The following SCLT1 variants were observed in gnomAD, a reference collection of about 807,000 sequenced individuals.
SCLT1 encodes sodium channel and clathrin linker 1, also known as sodium channel-associated protein 1.
Under a neutral mutation model 112.8 loss-of-function variants are expected in SCLT1, and 78 were observed. That is an observed-to-expected ratio of 0.69 (90% CI 0.58 to 0.83). SCLT1 has a LOEUF of 0.83. SCLT1 is among the 40% of genes least tolerant of loss of function. SCLT1 has a pLI of 0.00. For synonymous variants in SCLT1, 257 were observed against 254.7 expected (o/e 1.01, Z -0.09); for missense variants, 747 against 770.4 (o/e 0.97, Z 0.36).
chr4:129,080,876 G>A (rs1449687339), intron 2 of SCLT1, among the ~76,000 whole-genome samples: 1 of 152,178 alleles, frequency 6.6e-6, no homozygotes, highest in African/African-American at 2.4e-5. Flanking sequence ...TGCAGTCTGT[G>A]GGAGAGAGAG....
chr4:128,952,707 A>G, intron 14 of SCLT1, 62 bp downstream of exon 14: 2 of 909,942 alleles, frequency 2.2e-6, no homozygotes, highest in South Asian at 1.3e-5. Context: ...CCCCAATAGT[A>G]TATATCTTGG....
intron 5 of SCLT1, among the ~76,000 whole-genome samples, chr4:129,029,155 G>C (rs1013843159): frequency 6.6e-6 from 1 of 152,126 alleles, no homozygotes. Flanking sequence ...AATACCATTT[G>C]ACCCAGCCAT....
chr4:128,972,231 T>C (rs145407976), intron 9 of SCLT1: 2 of 152,136 alleles, frequency 1.3e-5, no homozygotes, highest in African/African-American at 2.4e-5. Context: ...AGGAATAATA[T>C]ATTTAAGTAG....
chr4:129,034,111 T>C (rs181614924), intron 5 of SCLT1, among the ~76,000 whole-genome samples: 1 of 152,244 alleles, frequency 6.6e-6, no homozygotes, highest in Admixed American at 6.5e-5. Context: ...TGAAATTACA[T>C]AAACACATCA....
intron 14 of SCLT1, among the ~76,000 whole-genome samples, chr4:128,948,906 C>A (rs889980387): frequency 2.0e-5 from 3 of 152,084 alleles, no homozygotes; most frequent in Admixed American, 6.5e-5. Context: ...AACATAGAAC[C>A]AGATAGTGGC....
At chr4:129,042,175 T>G (rs1278592754) in intron 4 of SCLT1, among the ~76,000 whole-genome samples, 12 of 152,206 alleles carry the variant, frequency 7.9e-5, no homozygotes, top group Admixed American at 7.9e-4. Flanking sequence ...ATGAGTATAT[T>G]CAAGCTCTAA....
chr4:128,982,064 T>G (rs999777590), intron 9 of SCLT1, among the ~76,000 whole-genome samples: 11 of 152,060 alleles, frequency 7.2e-5, no homozygotes, highest in Non-Finnish European at 5.9e-5. Flanking sequence ...TAAGGTAGAG[T>G]TGGGACAGAA....
intron 5 of SCLT1, among the ~76,000 whole-genome samples, chr4:129,013,774 A>C (rs2126109121): frequency 1.3e-5 from 2 of 152,204 alleles, no homozygotes. Flanking sequence ...AAATCTGATG[A>C]TTATGTGTCT....
chr4:129,014,268 A>C (rs1181183438), intron 5 of SCLT1, among the ~76,000 whole-genome samples: 1 of 152,048 alleles, frequency 6.6e-6, no homozygotes, highest in African/African-American at 2.4e-5. Flanking sequence ...CTGTAGCTCA[A>C]TGATCTTCGT....
intron 16 of SCLT1, among the ~76,000 whole-genome samples, chr4:128,943,891 T>C (rs533705706): frequency 9.2e-5 from 14 of 152,284 alleles, no homozygotes; most frequent in African/African-American, 3.1e-4. Context: ...CAGGGAATTG[T>C]ATGGAAATGC....
intron 1 of SCLT1, among the ~76,000 whole-genome samples, chr4:129,085,873 G>T (rs890204398): frequency 4.6e-5 from 7 of 152,106 alleles, no homozygotes; most frequent in African/African-American, 1.7e-4. Flanking sequence ...AGGGTGGGAG[G>T]AGGGAGAGGA....
At chr4:128,936,214 G>A (rs1419187790) in intron 18 of SCLT1, among the ~76,000 whole-genome samples, 1 of 151,770 alleles carries the variant, frequency 6.6e-6, no homozygotes, top group East Asian at 1.9e-4. Flanking sequence ...ACATTCATCT[G>A]TTGAACATTT....
At chr4:128,879,232 C>T (rs943271573), downstream of SCLT1, among the ~76,000 whole-genome samples, 2 of 151,976 alleles carry the variant, frequency 1.3e-5, no homozygotes, top group Non-Finnish European at 2.9e-5. Context: ...CAATCAAGAA[C>T]GCTGATCCTT....
chr4:128,908,777 A>G (rs1734880609), intron 18 of SCLT1, among the ~76,000 whole-genome samples: 1 of 152,170 alleles, frequency 6.6e-6, no homozygotes, highest in Non-Finnish European at 1.5e-5. Context: ...TAATTTCAAA[A>G]CTGAGTTAGT....
At chr4:128,900,325 A>G (rs2125933935) in intron 18 of SCLT1, among the ~76,000 whole-genome samples, 1 of 152,360 alleles carries the variant, frequency 6.6e-6, no homozygotes, top group East Asian at 1.9e-4. Flanking sequence ...GTACCAAAAC[A>G]GAGATACAGA....
intron 18 of SCLT1, among the ~76,000 whole-genome samples, chr4:128,922,893 T>G (rs1337063424): frequency 6.6e-6 from 1 of 152,172 alleles, no homozygotes; most frequent in Non-Finnish European, 1.5e-5. Flanking sequence ...GAAGAGACTG[T>G]GTGACTGCAG....
In SCLT1 at chr4:128,952,759, T is replaced by C. The variant is rs774743481; in HGVS notation, c.1218+10A>G. On this transcript the variant is annotated intron_variant, in intron 14 of 20. Transcript: ENST00000281142. ...TATTTGGAAGAAAATATCAGTATAGTCAAACATACCATTTGAAGGGCTGAA... is the reference window on the plus strand; with the variant it reads ...TATTTGGAAGAAAATATCAGTATAGCCAAACATACCATTTGAAGGGCTGAA... The C allele has an allele frequency of 2.9e-6, 4 of 1,391,124 alleles. No individual in the cohort carries two copies. The highest frequency in any genetic ancestry group is 4.1e-6 in the Non-Finnish European group (4 of 977,132). The allele number at this position is 1,391,124 out of a possible 1,614,324, so 86.2% of individuals were successfully genotyped here.
At chr4:128,896,580 A>G (rs1733774752) in intron 18 of SCLT1, among the ~76,000 whole-genome samples, 1 of 152,224 alleles carries the variant, frequency 6.6e-6, no homozygotes, top group South Asian at 2.1e-4. Context: ...GGGAAAAAAC[A>G]GAGCAGAAAA....
At chr4:128,996,294 G>A (rs151238653) in intron 8 of SCLT1, among the ~76,000 whole-genome samples, 1 of 152,036 alleles carries the variant, frequency 6.6e-6, no homozygotes, top group African/African-American at 2.4e-5. Context: ...GTATCTGTGG[G>A]GAGAAGGAGT....
Sources: gnomAD v4.1 joint callset for allele counts (sites outside exome capture counted in the v4.1 genomes callset) on GRCh38, gnomAD v4.1.1 for gene constraint, MANE v1.5 for transcripts, NCBI Gene and HGNC (gene_info 2026-07-23, HGNC 2026-07-21) for gene names.